CDYL2: variants seen among roughly 807,000 people sequenced by gnomAD.
The protein encoded by CDYL2 is chromodomain Y like 2.
CDYL2 carries 23 observed loss-of-function variants against 49.4 expected under a neutral mutation model. The ratio of observed to expected loss-of-function variants is 0.47; its 90% CI spans 0.34 to 0.66. The LOEUF is 0.66. CDYL2 is among the 30% of genes least tolerant of loss of function. CDYL2 has a pLI of 0.01. For synonymous variants in CDYL2, 360 were observed against 268.8 expected, an observed-to-expected ratio of 1.34 and a Z score of -3.32; for missense variants, 678 against 656.4, an observed-to-expected ratio of 1.03 and a Z score of -0.36.
intron 1 of CDYL2, among the ~76,000 whole-genome samples, chr16:80,763,687 C>T (rs1049144385): frequency 2.6e-5 from 4 of 152,164 alleles, no homozygotes; most frequent in Admixed American, 2.6e-4. Context: ...AAGGGAACAT[C>T]AAGCCACTTT....
At chr16:80,700,955 C>G (rs952783864) in intron 1 of CDYL2, among the ~76,000 whole-genome samples, 2 of 152,218 alleles carry the variant, frequency 1.3e-5, no homozygotes, top group African/African-American at 2.4e-5. Flanking sequence ...AACAGTTAAG[C>G]CTTCAGCAGC....
At chr16:80,641,408 T>C (rs1597142823) in intron 2 of CDYL2, among the ~76,000 whole-genome samples, 1 of 151,810 alleles carries the variant, frequency 6.6e-6, no homozygotes, top group Non-Finnish European at 1.5e-5. Flanking sequence ...CCTTCAAACA[T>C]GAAGGGGGAA....
rs1295240326 is a variant in CDYL2, at chr16:80,724,496, CCTT to C, written c.25-39370_25-39368del. Among the ~76,000 whole-genome samples the C allele has an allele frequency of 2.0e-5, 3 of 152,194 alleles. No individual in the cohort carries two copies. In the East Asian group the frequency reaches 5.8e-4, roughly 29 times the overall value. On this transcript the variant is annotated intron_variant, in intron 1 of 6. Coordinates refer to ENST00000570137, the MANE Select transcript of CDYL2 (RefSeq NM_152342.4). ...TCCCTGCAGCATGAAGATCCTGACT[CCTT>C]GTCATAGTTCATGAAGACCCCTAAC...
intron 1 of CDYL2, among the ~76,000 whole-genome samples, chr16:80,688,011 A>T (rs1485967108): frequency 6.6e-6 from 1 of 152,224 alleles, no homozygotes; most frequent in Non-Finnish European, 1.5e-5. Context: ...TACTTAGATA[A>T]GTGCTTCCAT....
chr16:80,599,952 T>C lies in CDYL2; in HGVS notation c.*4436A>G, dbSNP rs1264644677. The C allele has an allele frequency of 6.6e-6, 1 of 152,194 alleles. No homozygotes were observed. The highest frequency in any genetic ancestry group is 1.5e-5 in the Non-Finnish European group (1 of 68,020). The allele number at this position is 152,194 out of a possible 1,614,324, so 9.4% of individuals were successfully genotyped here. On this transcript the variant is annotated 3_prime_UTR_variant, in exon 7 of 7. Coordinates refer to ENST00000570137, the MANE Select transcript of CDYL2 (RefSeq NM_152342.4). ...GATTAGCCATGAATTACAGACTGCA[T>C]TCAGTCCATCAGCATGGCTTACGTT...
intron 2 of CDYL2, among the ~76,000 whole-genome samples, chr16:80,637,384 C>G (rs1907883469): frequency 6.6e-6 from 1 of 152,130 alleles, no homozygotes; most frequent in Admixed American, 6.5e-5. Flanking sequence ...CAATATCACA[C>G]TGAGAGTCCT....
At chr16:80,780,638 C>G (rs1907234171) in intron 1 of CDYL2, among the ~76,000 whole-genome samples, 1 of 151,976 alleles carries the variant, frequency 6.6e-6, no homozygotes, top group Admixed American at 6.6e-5. Context: ...ATCTCCTGAC[C>G]TCATGATCCA....
chr16:80,708,000 A>G (rs1904464020), intron 1 of CDYL2, among the ~76,000 whole-genome samples: 1 of 152,176 alleles, frequency 6.6e-6, no homozygotes, highest in Non-Finnish European at 1.5e-5. Flanking sequence ...CTATTTCTAC[A>G]AGAAAGGCTC....
chr16:80,793,378 C>A (rs1323820701), intron 1 of CDYL2, among the ~76,000 whole-genome samples: 1 of 152,120 alleles, frequency 6.6e-6, no homozygotes, highest in Non-Finnish European at 1.5e-5. Context: ...CTTTTGTTAC[C>A]TAATAAATCT....
At chr16:80,739,356 T>C (rs151046757) in intron 1 of CDYL2, among the ~76,000 whole-genome samples, 1 of 152,190 alleles carries the variant, frequency 6.6e-6, no homozygotes, top group African/African-American at 2.4e-5. Flanking sequence ...TCAATGTAAA[T>C]GTACTTAATA....
intron 1 of CDYL2, among the ~76,000 whole-genome samples, chr16:80,777,429 A>C (rs1907124058): frequency 6.6e-6 from 1 of 151,510 alleles, no homozygotes; most frequent in Non-Finnish European, 1.5e-5. Context: ...AAAGCTAAAA[A>C]TTGATTTTAC....
At chr16:80,641,873 T>C (rs1367196748) in intron 2 of CDYL2, among the ~76,000 whole-genome samples, 2 of 150,418 alleles carry the variant, frequency 1.3e-5, no homozygotes, top group Non-Finnish European at 3.0e-5. Flanking sequence ...ATTGTGCACA[T>C]GTACCCTAAA....
chr16:80,749,607 G>C (rs749596394), intron 1 of CDYL2, among the ~76,000 whole-genome samples: 2 of 152,006 alleles, frequency 1.3e-5, no homozygotes, highest in Middle Eastern at 3.2e-3. Flanking sequence ...TCTTGGCTAA[G>C]GAAGGTAATC....
chr16:80,676,974 T>C (rs983808819), intron 2 of CDYL2, among the ~76,000 whole-genome samples: 2 of 141,702 alleles, frequency 1.4e-5, no homozygotes, highest in Non-Finnish European at 3.1e-5. Context: ...TTTTTTTTTT[T>C]TTTTTTTTTT....
intron 2 of CDYL2, among the ~76,000 whole-genome samples, chr16:80,679,463 A>C (rs1909888405): frequency 1.3e-5 from 2 of 152,062 alleles, no homozygotes; most frequent in African/African-American, 4.8e-5. Context: ...TTTGCAGTCA[A>C]ATTGCCTGAG....
At chr16:80,757,955 C>G (rs1425359521) in intron 1 of CDYL2, among the ~76,000 whole-genome samples, 1 of 151,930 alleles carries the variant, frequency 6.6e-6, no homozygotes, top group Non-Finnish European at 1.5e-5. Flanking sequence ...GATAACTGGG[C>G]TAGTGTAGTC....
At chr16:80,762,112 G>A (rs1185825618) in intron 1 of CDYL2, among the ~76,000 whole-genome samples, 1 of 152,102 alleles carries the variant, frequency 6.6e-6, no homozygotes, top group Non-Finnish European at 1.5e-5. Context: ...CTTGAGCCCA[G>A]GAAGTCGAGG....
intron 2 of CDYL2, among the ~76,000 whole-genome samples, chr16:80,678,047 T>G (rs1387732555): frequency 6.6e-6 from 1 of 151,952 alleles, no homozygotes; most frequent in African/African-American, 2.4e-5. Context: ...CTGGGAAAAC[T>G]GGCTAGCCAT....
chr16:80,721,609 C>A (rs570755089), intron 1 of CDYL2, among the ~76,000 whole-genome samples: 1 of 152,212 alleles, frequency 6.6e-6, no homozygotes, highest in South Asian at 2.1e-4. Flanking sequence ...AGGTTTATAT[C>A]TAGCACGTGA....
Sources: gnomAD v4.1 joint callset for allele counts (sites outside exome capture counted in the v4.1 genomes callset) on GRCh38, gnomAD v4.1.1 for gene constraint, MANE v1.5 for transcripts, NCBI Gene and HGNC (gene_info 2026-07-23, HGNC 2026-07-21) for gene names.